The following NUP210L variants were observed in gnomAD, a reference collection of about 807,000 sequenced individuals.
NUP210L encodes nucleoporin 210 like.
In NUP210L, 74 loss-of-function variants were observed where a neutral mutation model predicts 208.5. That is an observed-to-expected ratio of 0.35 (90% confidence interval 0.29 to 0.43). The LOEUF is 0.43. Ranked by LOEUF, NUP210L falls within the 20% of genes least tolerant of loss-of-function variation. NUP210L has a pLI of 1.00. For missense variants in NUP210L, 1,843 were observed against 2,289.4 expected (o/e 0.81, Z 3.98); for synonymous variants, 780 against 816.9 (o/e 0.95, Z 0.77).
chr1:154,102,248 A>G (rs1210033467), intron 13 of NUP210L, among the ~76,000 whole-genome samples: 3 of 152,216 alleles, frequency 2.0e-5, no homozygotes, highest in Non-Finnish European at 4.4e-5. Context: ...AATCATGAAA[A>G]GTAGGTTGGG....
intron 16 of NUP210L, among the ~76,000 whole-genome samples, chr1:154,088,903 C>A (rs1655758931): frequency 6.6e-6 from 1 of 152,062 alleles, no homozygotes; most frequent in Non-Finnish European, 1.5e-5. Context: ...ATTTTTCATA[C>A]CCTGTTGCCT....
intron 27 of NUP210L, among the ~76,000 whole-genome samples, chr1:154,030,338 C>G (rs952557624): frequency 2.0e-5 from 3 of 152,018 alleles, no homozygotes; most frequent in Admixed American, 2.0e-4. Context: ...TAAAAATTCA[C>G]TCAGCCTGGA....
chr1:154,013,689 T>G (rs1364689865), intron 33 of NUP210L, among the ~76,000 whole-genome samples: 4 of 152,222 alleles, frequency 2.6e-5, no homozygotes, highest in African/African-American at 9.6e-5. Context: ...CTCAATCTTT[T>G]CTGAAACTTC....
intron 10 of NUP210L, among the ~76,000 whole-genome samples, chr1:154,121,967 A>T (rs2148107262): frequency 6.6e-6 from 1 of 152,268 alleles, no homozygotes; most frequent in East Asian, 1.9e-4. Flanking sequence ...GAAATAGAAA[A>T]CAGACAAATA....
At chr1:154,032,735 T>G (rs879748754) in intron 27 of NUP210L, among the ~76,000 whole-genome samples, 5 of 151,736 alleles carry the variant, frequency 3.3e-5, no homozygotes, top group African/African-American at 7.3e-5. Flanking sequence ...CTGGCCAACA[T>G]GGCAAAATCC....
intron 8 of NUP210L, among the ~76,000 whole-genome samples, 180 bp downstream of exon 8, chr1:154,129,095 CAT>C (rs1658122221): frequency 6.6e-6 from 1 of 152,122 alleles, no homozygotes; most frequent in Non-Finnish European, 1.5e-5. Context: ...TCTGTTTCAA[CAT>C]GCTTCACTCT....
At chr1:154,135,642 C>T (rs1045447719) in intron 7 of NUP210L, among the ~76,000 whole-genome samples, 172 bp downstream of exon 7, 6 of 152,034 alleles carry the variant, frequency 3.9e-5, no homozygotes, top group African/African-American at 1.4e-4. Flanking sequence ...AGGATGGTCT[C>T]GATCTCCTGA....
chr1:154,140,229 T>G (rs1658770987), intron 4 of NUP210L, among the ~76,000 whole-genome samples: 1 of 150,894 alleles, frequency 6.6e-6, no homozygotes, highest in Non-Finnish European at 1.5e-5. Flanking sequence ...CATGTGCCTG[T>G]AATTCCAGCT....
chr1:154,009,807 AAAG>A (rs1469563731), intron 35 of NUP210L, among the ~76,000 whole-genome samples, 162 bp downstream of exon 35: 1 of 151,748 alleles, frequency 6.6e-6, no homozygotes, highest in Non-Finnish European at 1.5e-5. Flanking sequence ...AAAAAAAAAA[AAAG>A]AAAAAAGAGT....
chr1:154,038,008 C>G (rs113970384), intron 27 of NUP210L, among the ~76,000 whole-genome samples: 117 of 152,204 alleles, frequency 7.7e-4, no homozygotes, highest in African/African-American at 2.2e-3. Context: ...TTTTGTTATT[C>G]GTTTTCTGGT....
chr1:154,025,439 C>T (rs1007261315), intron 30 of NUP210L, 103 bp downstream of exon 30: 2 of 618,232 alleles, frequency 3.2e-6, no homozygotes, highest in South Asian at 5.4e-5. Flanking sequence ...TCTTTAATGG[C>T]ATGATAAGAA....
intron 37 of NUP210L, among the ~76,000 whole-genome samples, chr1:153,998,813 G>A (rs1371735149): frequency 6.7e-6 from 1 of 150,194 alleles, no homozygotes; most frequent in Non-Finnish European, 1.5e-5. Context: ...TCAACCTCCT[G>A]GGCTTAGGCA....
intron 37 of NUP210L, 110 bp from the exon 38 acceptor site, chr1:153,995,290 C>A: frequency 5.4e-6 from 4 of 744,708 alleles, no homozygotes; most frequent in Non-Finnish European, 6.7e-6. Flanking sequence ...CTCACTCTGT[C>A]CCCCAGGCTG....
intron 16 of NUP210L, among the ~76,000 whole-genome samples, chr1:154,083,583 T>C (rs1418199603): frequency 6.6e-6 from 1 of 152,062 alleles, no homozygotes; most frequent in Non-Finnish European, 1.5e-5. Flanking sequence ...AGGTAGATAG[T>C]GTCAGAATTG....
chr1:154,006,760 G>A (rs1650547296), intron 35 of NUP210L, among the ~76,000 whole-genome samples: 1 of 147,782 alleles, frequency 6.8e-6, no homozygotes, highest in South Asian at 2.1e-4. Flanking sequence ...CTCCCAAACT[G>A]CTGGGATTAC....
chr1:154,070,476 A>G lies in NUP210L; in HGVS notation c.2362-11T>C. 6.7e-7 allele frequency: 1 copy of G among 1,489,086 alleles called. No homozygotes were observed. The highest frequency in any genetic ancestry group is 2.3e-5 in the Admixed American group (1 of 43,996). The allele number at this position is 1,489,086 out of a possible 1,614,324, so 92.2% of individuals were successfully genotyped here. A position where few individuals can be genotyped will look rare whatever the true frequency, so the allele number is the denominator to read the frequency against. On this transcript the variant is annotated splice_polypyrimidine_tract_variant and intron_variant, in intron 16 of 39. Coordinates refer to ENST00000368559, the Ensembl canonical transcript of NUP210L. ...TCTTGATACAGGAATCTGCATTAAA[A>G]TAAAAAGTAATAAAACAACAATTTA... is the stretch of plus-strand genomic sequence containing the variant.
At chr1:154,117,830 C>T (rs1202319466) in exon 12 of NUP210L, 2 of 1,612,612 alleles carry the variant, frequency 1.2e-6, no homozygotes, top group South Asian at 2.2e-5. Flanking sequence ...TTACTATGAC[C>T]ACTGTTTCAT....
intron 16 of NUP210L, among the ~76,000 whole-genome samples, chr1:154,080,734 G>A (rs929230519): frequency 6.6e-6 from 1 of 151,518 alleles, no homozygotes; most frequent in Non-Finnish European, 1.5e-5. Flanking sequence ...CACTTTGGGA[G>A]GCCAAGGCAG....
At chr1:154,114,098 G>T (rs1023221837) in intron 12 of NUP210L, among the ~76,000 whole-genome samples, 1 of 148,334 alleles carries the variant, frequency 6.7e-6, no homozygotes, top group East Asian at 2.0e-4. Context: ...AGCCAAGATC[G>T]CACCACTGCA....
Sources: allele counts gnomAD v4.1 joint callset (sites outside exome capture counted in the v4.1 genomes callset), GRCh38; gene constraint gnomAD v4.1.1; transcripts MANE v1.5; gene names NCBI Gene and HGNC (gene_info 2026-07-23, HGNC 2026-07-21).